Variants in POT1 observed in about 807,000 individuals in gnomAD.
The protein encoded by POT1 is protection of telomeres 1.
In POT1, 47 loss-of-function variants were observed where a neutral mutation model predicts 78.5. That is an observed-to-expected ratio of 0.60 (90% CI 0.47 to 0.76). The LOEUF (loss-of-function observed/expected upper bound fraction) is 0.76. Among genes scored for constraint, POT1 ranks in the 30% least tolerant of loss-of-function variants. The pLI, the probability that POT1 is intolerant of heterozygous loss-of-function variation, is 0.00. For missense variants in POT1, 646 were observed against 749.9 expected, an observed-to-expected ratio of 0.86 and a Z score of 1.62; for synonymous variants, 259 against 260.7, an observed-to-expected ratio of 0.99 and a Z score of 0.06.
chr7:124,822,625 A>G lies in POT1; in HGVS notation c.*1337T>C, dbSNP rs1794533211. The G allele has an allele frequency of 7.2e-6, 3 of 417,274 alleles. No homozygotes were observed. Among genetic ancestry groups the G allele is most frequent in the Admixed American group, 2.6e-5 (1 of 38,686 alleles). 25.8% of individuals were successfully genotyped at this position (417,274 alleles called of 1,614,324 possible). On this transcript the variant is annotated 3_prime_UTR_variant, in exon 19 of 19. Transcript: ENST00000357628. ...ATCAACACGGAAACACACCTGTTCA[A>G]CTGTAGGGTTTTAAAATATTTTTCC... is the stretch of plus-strand genomic sequence containing the variant.
intron 12 of POT1, among the ~76,000 whole-genome samples, chr7:124,844,420 C>CT (rs1795110556): frequency 6.7e-6 from 1 of 149,280 alleles, no homozygotes; most frequent in South Asian, 2.1e-4. Context: ...TGAGCCACTG[C>CT]ACCCAGCTGG....
intron 2 of POT1, among the ~76,000 whole-genome samples, chr7:124,925,962 C>T (rs1353660713): frequency 6.6e-6 from 1 of 151,756 alleles, no homozygotes; most frequent in Admixed American, 6.6e-5. Context: ...AAACTTAAGA[C>T]GGATTAAAGA....
At chr7:124,923,568 C>T (rs570149130) in intron 2 of POT1, among the ~76,000 whole-genome samples, 2 of 151,624 alleles carry the variant, frequency 1.3e-5, no homozygotes, top group Admixed American at 1.3e-4. Context: ...ATCAGTATTC[C>T]TAAGGGGGAA....
chr7:124,843,341 A>G (rs12540621), intron 12 of POT1: 1 of 155,014 alleles, frequency 6.5e-6, no homozygotes. Flanking sequence ...CTTGTAAAAT[A>G]TTATTTGCAA....
Position 124,871,511 on chromosome 7 carries a change from G to A in POT1, c.125-470C>T, listed in dbSNP as rs138657154. Among the ~76,000 whole-genome samples the A allele has an allele frequency of 1.2e-3, 180 of 151,980 alleles. 1 individual carries two copies. The highest frequency in any genetic ancestry group is 1.6e-3 in the Non-Finnish European group (110 of 67,888). On this transcript the variant is annotated intron_variant, in intron 6 of 18. Transcript: ENST00000357628. Reference sequence around the variant, plus strand: ...ATCAGGATGATACAGTAAATATGTCGTACAAATGAATAAACAATACATAGA... The same window carrying A: ...ATCAGGATGATACAGTAAATATGTCATACAAATGAATAAACAATACATAGA...
At chr7:124,892,467 G>C in intron 5 of POT1, 87 bp from the exon 6 acceptor site, 1 of 668,608 alleles carries the variant, frequency 1.5e-6, no homozygotes. Context: ...GCAAATCCAT[G>C]TAACTATTTT....
At chr7:124,834,002 C>T (rs1244961879) in intron 15 of POT1, among the ~76,000 whole-genome samples, 2 of 152,088 alleles carry the variant, frequency 1.3e-5, no homozygotes, top group Non-Finnish European at 2.9e-5. Flanking sequence ...CAAAAACAAG[C>T]AATGGGGAAA....
chr7:124,825,644 G>A (rs927942108), intron 17 of POT1, among the ~76,000 whole-genome samples: 1 of 151,864 alleles, frequency 6.6e-6, no homozygotes, highest in African/African-American at 2.4e-5. Context: ...TATTCTCTTT[G>A]TGCATAGAAA....
At chr7:124,840,327 C>G (rs1056238516) in intron 14 of POT1, among the ~76,000 whole-genome samples, 2 of 151,368 alleles carry the variant, frequency 1.3e-5, no homozygotes, top group East Asian at 1.9e-4. Context: ...GAAGGAAAGC[C>G]TTAAGAAAAA....
chr7:124,877,787 G>A (rs1796024396), intron 6 of POT1, among the ~76,000 whole-genome samples: 1 of 141,724 alleles, frequency 7.1e-6, no homozygotes, highest in Non-Finnish European at 1.5e-5. Flanking sequence ...GAGCTGAGAT[G>A]GTGCCACTGT....
At chr7:124,833,020 A>G (rs1057097900) in intron 15 of POT1, among the ~76,000 whole-genome samples, 6 of 152,164 alleles carry the variant, frequency 3.9e-5, no homozygotes, top group African/African-American at 1.4e-4. Context: ...TGAGCATGCA[A>G]AAAGAGAAAG....
At chr7:124,825,734 C>G (rs1231354924) in intron 17 of POT1, among the ~76,000 whole-genome samples, 1 of 152,112 alleles carries the variant, frequency 6.6e-6, no homozygotes, top group Non-Finnish European at 1.5e-5. Context: ...CTCTTCCCTA[C>G]TATGTTATAA....
At chr7:124,913,091 T>C (rs1374587647) in intron 3 of POT1, among the ~76,000 whole-genome samples, 1 of 152,114 alleles carries the variant, frequency 6.6e-6, no homozygotes, top group East Asian at 1.9e-4. Flanking sequence ...TTTAAAATCA[T>C]CTGATCCCGT....
intron 6 of POT1, among the ~76,000 whole-genome samples, chr7:124,885,667 G>A (rs1364803806): frequency 6.6e-6 from 1 of 152,078 alleles, no homozygotes; most frequent in Non-Finnish European, 1.5e-5. Flanking sequence ...TCAGGAGGCT[G>A]AGGCAGGAGA....
chr7:124,860,358 G>A (rs926387626), intron 8 of POT1, among the ~76,000 whole-genome samples: 1 of 152,000 alleles, frequency 6.6e-6, no homozygotes, highest in African/African-American at 2.4e-5. Flanking sequence ...CATTTACAAT[G>A]TTATTTTATG....
chr7:124,894,598 G>C (rs1796449446), intron 5 of POT1, among the ~76,000 whole-genome samples: 1 of 151,532 alleles, frequency 6.6e-6, no homozygotes, highest in Non-Finnish European at 1.5e-5. Context: ...TCTCTAATGA[G>C]TTGGGTTAAT....
At chr7:124,862,993 G>A (rs12535270) in intron 8 of POT1, among the ~76,000 whole-genome samples, 2,193 of 152,236 alleles carry the variant, frequency 0.014, 59 homozygotes, top group African/African-American at 0.048. Flanking sequence ...AAATAAATGA[G>A]AGGGAAGGTG....
At chr7:124,898,019 C>T (rs943539748) in intron 4 of POT1, among the ~76,000 whole-genome samples, 4 of 151,774 alleles carry the variant, frequency 2.6e-5, no homozygotes, top group Non-Finnish European at 4.4e-5. Context: ...AATGTCTGTG[C>T]GGTTTTGTAA....
intron 13 of POT1, 88 bp from the exon 14 acceptor site, chr7:124,841,266 T>A: frequency 9.6e-7 from 1 of 1,037,804 alleles, no homozygotes; most frequent in Non-Finnish European, 1.4e-6. Context: ...TTAAAAAGTA[T>A]CATTCTTACA....
Sources: gnomAD v4.1 joint callset for allele counts (sites outside exome capture counted in the v4.1 genomes callset) on GRCh38, gnomAD v4.1.1 for gene constraint, MANE v1.5 for transcripts, NCBI Gene and HGNC (gene_info 2026-07-23, HGNC 2026-07-21) for gene names.